C2orf76: variants seen among roughly 807,000 people sequenced by gnomAD.
C2orf76 encodes the protein UPF0538 protein C2orf76.
In C2orf76, 23 loss-of-function variants were observed where a neutral mutation model predicts 16.9. The observed-to-expected ratio is 1.36, with a 90% CI of 0.98 to 1.93. The LOEUF (loss-of-function observed/expected upper bound fraction) is 1.93. Among genes scored for constraint, C2orf76 ranks in the 30% most tolerant of loss-of-function variants. The pLI, the probability that C2orf76 is intolerant of heterozygous loss-of-function variation, is 0.00. For missense variants in C2orf76, 152 were observed against 152.6 expected (o/e 1.00, Z 0.02); for synonymous variants, 48 against 52.3 (o/e 0.92, Z 0.35).
In C2orf76 at chr2:119,318,553, G is replaced by A. The variant is rs535996455; in HGVS notation, c.185-1050C>T. ...TGCAATTTTTTTTTTTTTTTGAGAC[G>A]GAGTCTTGCTCTGTCGCCTTGGCTG... On this transcript the variant is annotated intron_variant, in intron 3 of 5. Coordinates refer to ENST00000334816, the MANE Select transcript of C2orf76 (RefSeq NM_001322331.2). Among the ~76,000 whole-genome samples the A allele has an allele frequency of 2.4e-3, 353 of 144,988 alleles. 1 individual carries two copies. The highest frequency in any genetic ancestry group is 0.012 in the Middle Eastern group (3 of 258).
intron 1 of C2orf76, chr2:119,366,557 G>A (rs1403248657): frequency 2.1e-6 from 1 of 465,896 alleles, no homozygotes; most frequent in South Asian, 1.6e-5. Context: ...GGGAGGAGCG[G>A]GTCCCGCCCG....
intron 1 of C2orf76, among the ~76,000 whole-genome samples, chr2:119,344,246 A>T (rs1201865497): frequency 9.8e-5 from 15 of 152,354 alleles, no homozygotes; most frequent in Non-Finnish European, 2.2e-4. Context: ...ACAGTGGGAC[A>T]TAGGCTTGTT....
upstream of C2orf76, chr2:119,367,005 C>A (rs755622784): frequency 1.2e-6 from 2 of 1,612,982 alleles, no homozygotes; most frequent in South Asian, 2.2e-5. Context: ...GCTTCCTGGT[C>A]CTCGCCTCCT....
At chr2:119,344,869 TATAGAAAATTTA>T (rs923544980) in intron 1 of C2orf76, among the ~76,000 whole-genome samples, 16 of 152,236 alleles carry the variant, frequency 1.1e-4, no homozygotes, top group African/African-American at 3.6e-4. Context: ...GACTTAAGAT[TATAGAAAATTTA>T]ATATAAGATG....
intron 1 of C2orf76, among the ~76,000 whole-genome samples, chr2:119,340,761 C>A (rs1167269231): frequency 3.7e-5 from 1 of 27,308 alleles, no homozygotes; most frequent in Non-Finnish European, 8.2e-5. Flanking sequence ...CTAATACACA[C>A]ACACACACAC....
At chr2:119,352,399 G>A (rs1176763713) in intron 1 of C2orf76, among the ~76,000 whole-genome samples, 3 of 152,198 alleles carry the variant, frequency 2.0e-5, no homozygotes, top group Admixed American at 2.0e-4. Context: ...TGCCTCCACA[G>A]GTAATGAACT....
chr2:119,362,510 A>G (rs1350230278), intron 1 of C2orf76, among the ~76,000 whole-genome samples: 1 of 152,248 alleles, frequency 6.6e-6, no homozygotes, highest in Non-Finnish European at 1.5e-5. Context: ...TAAATAGGCA[A>G]AGATGTAGAA....
the C2orf76 span, among the ~76,000 whole-genome samples, chr2:119,292,299 A>G: frequency 0.027 from 4,114 of 152,220 alleles, 116 homozygotes; most frequent in East Asian, 0.13. Flanking sequence ...ACAGAAACAA[A>G]TGACAATCTA....
At position 119,352,122 on chromosome 2, in the gene C2orf76, TGC is replaced by T. The variant is rs373250587; in HGVS notation, c.-12-12153_-12-12152del. On this transcript the variant is annotated intron_variant, in intron 1 of 5. Transcript: ENST00000334816. ...ACATGGAGAAGACCCTATAACCACT[TGC>T]GCACTGACTGACCTTCCGTCATGCC... 4.0e-3 allele frequency among the ~76,000 whole-genome samples: 615 copies of T among 152,320 alleles called. 7 individuals carry two copies. The highest frequency in any genetic ancestry group is 0.014 in the Middle Eastern group (4 of 294).
chr2:119,361,165 G>C (rs1177464597), intron 1 of C2orf76, among the ~76,000 whole-genome samples: 1 of 152,220 alleles, frequency 6.6e-6, no homozygotes, highest in Non-Finnish European at 1.5e-5. Flanking sequence ...GGCTACAGTA[G>C]TCCTCACTTA....
the C2orf76 span, among the ~76,000 whole-genome samples, chr2:119,295,299 G>C: frequency 6.6e-6 from 1 of 152,086 alleles, no homozygotes; most frequent in Non-Finnish European, 1.5e-5. Flanking sequence ...TGCAGGTGTC[G>C]GCAACAAGGT....
intron 5 of C2orf76, among the ~76,000 whole-genome samples, chr2:119,306,523 T>C (rs1174772819): frequency 2.0e-5 from 3 of 152,096 alleles, no homozygotes; most frequent in Non-Finnish European, 4.4e-5. Context: ...ACAACTGGCT[T>C]TGGAAGAGTT....
chr2:119,322,372 AT>A (rs1228657026), intron 2 of C2orf76, among the ~76,000 whole-genome samples: 10 of 151,912 alleles, frequency 6.6e-5, no homozygotes, highest in African/African-American at 1.2e-4. Context: ...GCACCCAGCA[AT>A]TTTTTGTATT....
intron 2 of C2orf76, among the ~76,000 whole-genome samples, chr2:119,337,059 A>ATTT (rs1558789157): frequency 1.7e-5 from 1 of 59,754 alleles, no homozygotes; most frequent in African/African-American, 5.8e-5. Context: ...TTATTTATTT[A>ATTT]TTTATTTATT....
chr2:119,363,371 C>CTTG (rs1201903347), intron 1 of C2orf76, among the ~76,000 whole-genome samples: 1 of 151,234 alleles, frequency 6.6e-6, no homozygotes, highest in East Asian at 1.9e-4. Flanking sequence ...TTGCAGTGAG[C>CTTG]CGAGATCGCA....
At chr2:119,344,850 G>A (rs190876345) in intron 1 of C2orf76, among the ~76,000 whole-genome samples, 2 of 152,238 alleles carry the variant, frequency 1.3e-5, no homozygotes, top group Admixed American at 1.3e-4. Flanking sequence ...AAATCTAACA[G>A]AGAAGTCAGA....
chr2:119,315,181 TACACACACACATACACAC>T (rs1558779348), intron 4 of C2orf76, among the ~76,000 whole-genome samples: 1 of 151,656 alleles, frequency 6.6e-6, no homozygotes, highest in Non-Finnish European at 1.5e-5. Flanking sequence ...CCATCCATAA[TACACACACACATACACAC>T]ACACACACAC....
chr2:119,354,295 C>G (rs747915915), intron 1 of C2orf76, among the ~76,000 whole-genome samples: 1 of 152,156 alleles, frequency 6.6e-6, no homozygotes. Context: ...AGATCACTGA[C>G]GGATCACTTG....
At chr2:119,307,016 T>C (rs189219227) in intron 5 of C2orf76, among the ~76,000 whole-genome samples, 22 of 152,220 alleles carry the variant, frequency 1.4e-4, no homozygotes, top group Non-Finnish European at 2.5e-4. Context: ...CTGGCTGTGA[T>C]AGCAGTGACA....
Sources: gnomAD v4.1 joint callset for allele counts (sites outside exome capture counted in the v4.1 genomes callset) on GRCh38, gnomAD v4.1.1 for gene constraint, MANE v1.5 for transcripts, NCBI Gene and HGNC (gene_info 2026-07-23, HGNC 2026-07-21) for gene names.